The following HS1BP3 variants were observed in gnomAD, a reference collection of about 807,000 sequenced individuals.
HS1BP3 encodes HCLS1-binding protein 3.
HS1BP3 carries 32 observed loss-of-function variants against 33.5 expected under a neutral mutation model. That is an observed-to-expected ratio of 0.95 (90% CI 0.72 to 1.28). The LOEUF is 1.28. Ranked by LOEUF, HS1BP3 falls within the 50% of genes most tolerant of loss-of-function variation. The pLI, the probability that HS1BP3 is intolerant of heterozygous loss-of-function variation, is 0.00. For missense variants in HS1BP3, 486 were observed against 502.3 expected (o/e 0.97, Z 0.31); for synonymous variants, 187 against 209.2 (o/e 0.89, Z 0.92).
At chr2:20,560,632 A>T (rs765898357) in intron 5 of HS1BP3, 1 of 152,202 alleles carries the variant, frequency 6.6e-6, no homozygotes, top group Non-Finnish European at 1.5e-5. Flanking sequence ...ACCTGTGTAG[A>T]CAGTTTTCTC....
downstream of HS1BP3, among the ~76,000 whole-genome samples, chr2:20,615,212 TA>T (rs1221928754): frequency 3.9e-5 from 6 of 152,226 alleles, no homozygotes; most frequent in Non-Finnish European, 8.8e-5. Context: ...CCAGGGTGGG[TA>T]AGTCTCTTCA....
At chr2:20,585,534 C>T (rs562425883) in intron 5 of HS1BP3, among the ~76,000 whole-genome samples, 14 of 152,322 alleles carry the variant, frequency 9.2e-5, no homozygotes, top group South Asian at 4.1e-4. Flanking sequence ...CAAGGTCACA[C>T]GATTAGCAAG....
intron 2 of HS1BP3, among the ~76,000 whole-genome samples, chr2:20,601,804 A>T: frequency 1.1e-5 from 1 of 89,328 alleles, no homozygotes. Flanking sequence ...TTTGAGACGG[A>T]GTCTTGCTCT....
At chr2:20,622,010 C>A (rs191571390) in intron 6 of HS1BP3, among the ~76,000 whole-genome samples, 1 of 151,780 alleles carries the variant, frequency 6.6e-6, no homozygotes, top group Non-Finnish European at 1.5e-5. Context: ...TGGGTTCCTG[C>A]GGAAGACAAG....
At position 20,618,052 on chromosome 2, in the gene HS1BP3, A is replaced by G. The variant is rs1047163; in HGVS notation, c.*935T>C. 8,652 of 152,530 alleles carry G rather than the reference A, an allele frequency of 0.057. 252 individuals are homozygous for G. Among genetic ancestry groups the G allele is most frequent in the Middle Eastern group, 0.092 (27 of 294 alleles). The allele number at this position is 152,530 out of a possible 1,614,324, so 9.4% of individuals were successfully genotyped here. ...CTCGGGGCAGAAGCCTGAGAGAATC[A>G]TGCCCCACTGGCAGTGGGAGGCGGT... is the stretch of plus-strand genomic sequence containing the variant. On this transcript the variant is annotated 3_prime_UTR_variant, in exon 7 of 7. Coordinates refer to ENST00000304031, the MANE Select transcript of HS1BP3 (RefSeq NM_022460.4).
intron 5 of HS1BP3, among the ~76,000 whole-genome samples, chr2:20,570,152 C>A (rs763208774): frequency 6.7e-6 from 1 of 149,748 alleles, no homozygotes; most frequent in Non-Finnish European, 1.5e-5. Flanking sequence ...TCCTCAGCAC[C>A]CTCTTCTCAT....
At chr2:20,637,208 C>A (rs1192461594) in intron 4 of HS1BP3, 1 of 152,298 alleles carries the variant, frequency 6.6e-6, no homozygotes, top group African/African-American at 2.4e-5. Flanking sequence ...TTGGCACAGA[C>A]CACCAAAGTC....
chr2:20,601,769 TC>T lies in HS1BP3; in HGVS notation c.179-3505del, dbSNP rs1366588550. Among the ~76,000 whole-genome samples, 534 of 124,338 alleles carry T rather than the reference TC, an allele frequency of 4.3e-3. 16 individuals carry two copies. Among genetic ancestry groups the T allele is most frequent in the African/African-American group, 0.015 (492 of 33,438 alleles). The allele number at this position is 124,338 out of a possible 152,430, so 81.6% of individuals were successfully genotyped here. A position where few individuals can be genotyped will look rare whatever the true frequency, so the allele number is the denominator to read the frequency against. On this transcript the variant is annotated intron_variant, in intron 2 of 3. Coordinates refer to the HS1BP3 transcript ENST00000415264. Reference sequence around the variant, plus strand: ...AATCACCCAGTTTTCAAGTGTGTCTTCTTTTTTTTTTTTTTTTTTTTTTTTT... The same window carrying T: ...AATCACCCAGTTTTCAAGTGTGTCTTTTTTTTTTTTTTTTTTTTTTTTTTT...
At chr2:20,624,239 C>A (rs977211770) in intron 5 of HS1BP3, among the ~76,000 whole-genome samples, 8 of 152,162 alleles carry the variant, frequency 5.3e-5, no homozygotes, top group African/African-American at 1.9e-4. Flanking sequence ...GGGATAGGGA[C>A]TAGGGACAGG....
At chr2:20,561,323 C>A (rs1350737476) in intron 5 of HS1BP3, among the ~76,000 whole-genome samples, 1 of 152,224 alleles carries the variant, frequency 6.6e-6, no homozygotes, top group Non-Finnish European at 1.5e-5. Context: ...CTGTCCCCAA[C>A]AGCTGACTCA....
At chr2:20,605,437 G>A (rs950082287) in intron 2 of HS1BP3, among the ~76,000 whole-genome samples, 1 of 152,102 alleles carries the variant, frequency 6.6e-6, no homozygotes, top group Non-Finnish European at 1.5e-5. Context: ...GGTGGCGGTG[G>A]TAAAATACAC....
chr2:20,564,901 C>G (rs1693088472), intron 5 of HS1BP3, among the ~76,000 whole-genome samples: 1 of 152,230 alleles, frequency 6.6e-6, no homozygotes, highest in South Asian at 2.1e-4. Flanking sequence ...ACTTCCACCA[C>G]CAGGACTCAG....
At chr2:20,604,253 T>A (rs933474311) in intron 2 of HS1BP3, among the ~76,000 whole-genome samples, 4 of 152,210 alleles carry the variant, frequency 2.6e-5, no homozygotes, top group Non-Finnish European at 5.9e-5. Flanking sequence ...TCTAAGAGGC[T>A]GTCTACACTT....
chr2:20,588,572 G>A (rs1050315440), downstream of HS1BP3, among the ~76,000 whole-genome samples: 5 of 152,180 alleles, frequency 3.3e-5, no homozygotes, highest in African/African-American at 4.8e-5. Context: ...CGACTGCCTC[G>A]GCCTCCCAAA....
rs755069240 is a variant in HS1BP3, at chr2:20,623,934, G to A, written c.882C>T (p.Pro294=). Residue 294 remains proline (P), a synonymous_variant, in exon 6 of 7, where the codon CCC becomes CCT. Coordinates refer to ENST00000304031, the MANE Select transcript of HS1BP3 (RefSeq NM_022460.4). The stretch of plus-strand genomic sequence containing the variant: ...TGGAGGCGTCCCTGTGGCTGAGGCT[G>A]GGTGTGGGCCCTCCACTCTCACAGG... ...PAACESGGPT[P]SLSHRDASKE... is the part of the protein sequence containing the mutation. 3 of 1,612,576 alleles carry A rather than the reference G, an allele frequency of 1.9e-6. No homozygotes were observed. Among genetic ancestry groups the A allele is most frequent in the East Asian group, 4.5e-5 (2 of 44,866 alleles).
At position 20,638,437 on chromosome 2, in the gene HS1BP3, G is replaced by C; in HGVS notation, c.622C>G (p.Arg208Gly). The C allele has an allele frequency of 6.2e-7, 1 of 1,613,740 alleles. No individual in the cohort carries two copies. Among genetic ancestry groups the C allele is most frequent in the Non-Finnish European group, 8.5e-7 (1 of 1,179,702 alleles). ...EEALDPLGIM[R>G]SKKPKKHPKV... is the part of the protein sequence containing the mutation. ...CCCTCTCAACAACAGGAGACCAACC[G>C]CATAATGCCCAGAGGGTCCAGCGCC... is the stretch of plus-strand genomic sequence containing the variant. Residue 208 changes from arginine (R) to glycine (G), a missense_variant and splice_region_variant, in exon 4 of 7, where the codon CGC (arginine) becomes GGC (glycine). By Grantham distance (125) the Arg-to-Gly change is moderately radical (BLOSUM62 -2). Coordinates refer to ENST00000304031, the MANE Select transcript of HS1BP3 (RefSeq NM_022460.4).
chr2:20,588,539 C>T (rs6751844), downstream of HS1BP3, among the ~76,000 whole-genome samples: 984 of 152,222 alleles, frequency 6.5e-3, 12 homozygotes, highest in African/African-American at 0.021. Flanking sequence ...AGGCTGGTCT[C>T]GAATTCCCGA....
downstream of HS1BP3, among the ~76,000 whole-genome samples, chr2:20,590,558 G>T (rs1011232466): frequency 2.0e-5 from 3 of 152,286 alleles, no homozygotes; most frequent in East Asian, 5.8e-4. Context: ...ATTAGGTCAC[G>T]TCCCCGTACT....
chr2:20,641,793 C>A (rs1395517283), intron 2 of HS1BP3, among the ~76,000 whole-genome samples: 1 of 152,236 alleles, frequency 6.6e-6, no homozygotes, highest in Non-Finnish European at 1.5e-5. Flanking sequence ...GGGCAGCACT[C>A]AGCTTCCCGT....
Sources: allele counts gnomAD v4.1 joint callset (sites outside exome capture counted in the v4.1 genomes callset), GRCh38; gene constraint gnomAD v4.1.1; transcripts MANE v1.5; gene names NCBI Gene and HGNC (gene_info 2026-07-23, HGNC 2026-07-21).